The following ADAMTSL3 variants were observed in gnomAD, a reference collection of about 807,000 sequenced individuals.
The protein encoded by ADAMTSL3 is ADAMTS like 3.
Under a neutral mutation model 201.7 loss-of-function variants are expected in ADAMTSL3, and 128 were observed. The ratio of observed to expected loss-of-function variants is 0.63; its 90% confidence interval spans 0.55 to 0.73. The LOEUF is 0.73. ADAMTSL3 is among the 30% of genes least tolerant of loss of function. The probability of loss-of-function intolerance (pLI) is 0.00; values close to 1 mark genes in which losing one functional copy is unlikely to be tolerated. For missense variants in ADAMTSL3, 1,990 were observed against 2,119.6 expected (o/e 0.94, Z 1.20); for synonymous variants, 738 against 748.4 (o/e 0.99, Z 0.23).
intron 4 of ADAMTSL3, among the ~76,000 whole-genome samples, chr15:83,785,085 G>A (rs1312978876): frequency 6.6e-6 from 1 of 152,166 alleles, no homozygotes; most frequent in Non-Finnish European, 1.5e-5. Context: ...TTTGTTGGCA[G>A]AGATACATTT....
chr15:83,788,084 C>T (rs2063292509), intron 4 of ADAMTSL3, among the ~76,000 whole-genome samples: 1 of 151,894 alleles, frequency 6.6e-6, no homozygotes, highest in Non-Finnish European at 1.5e-5. Context: ...AGTTTTTTTT[C>T]CACTAGAGTC....
At chr15:83,862,035 G>C (rs1279921157) in intron 8 of ADAMTSL3, 1 of 152,130 alleles carries the variant, frequency 6.6e-6, no homozygotes, top group Non-Finnish European at 1.5e-5. Context: ...AAGATCAAAT[G>C]AATGAAATGA....
intron 22 of ADAMTSL3, among the ~76,000 whole-genome samples, chr15:83,990,234 C>T (rs930284803): frequency 6.6e-6 from 1 of 152,122 alleles, no homozygotes; most frequent in East Asian, 1.9e-4. Flanking sequence ...CAACAAGAAT[C>T]GTGGCCTCCT....
At chr15:83,782,121 A>G (rs749277364) in intron 4 of ADAMTSL3, among the ~76,000 whole-genome samples, 24 of 152,168 alleles carry the variant, frequency 1.6e-4, no homozygotes, top group Non-Finnish European at 3.4e-4. Flanking sequence ...ACTTGCATGT[A>G]TGTGTTCACT....
intron 23 of ADAMTSL3, among the ~76,000 whole-genome samples, chr15:84,000,769 T>C (rs1389539778): frequency 6.6e-6 from 1 of 152,140 alleles, no homozygotes; most frequent in Non-Finnish European, 1.5e-5. Context: ...GCAGCATATA[T>C]GCAAAAGCAC....
chr15:83,851,151 AGC>A lies in ADAMTSL3; in HGVS notation c.728-7613_728-7612del, dbSNP rs538227219. Among the ~76,000 whole-genome samples, 464 of 152,328 alleles carry A rather than the reference AGC, an allele frequency of 3.0e-3. 3 individuals carry two copies. Among genetic ancestry groups the A allele is most frequent in the Non-Finnish European group, 2.5e-3 (169 of 68,030 alleles). On this transcript the variant is annotated intron_variant, in intron 7 of 29. Coordinates refer to ENST00000286744, the MANE Select transcript of ADAMTSL3 (RefSeq NM_207517.3). ...AATGTTTGGGAAGTACTGCCTTATC[AGC>A]GTATCACAGAGACTTCTACAAATGT...
rs189507527 is a variant in ADAMTSL3 at position 83,786,690 on chromosome 15, C to T, written c.317+13040C>T. ...GTTGTTTTAACCACCTGCGTCTTATCCTGTATTTTTTTGTCTATTTTTAGT... is the reference window on the plus strand; with the variant it reads ...GTTGTTTTAACCACCTGCGTCTTATTCTGTATTTTTTTGTCTATTTTTAGT... On this transcript the variant is annotated intron_variant, in intron 4 of 29. Coordinates refer to ENST00000286744, the MANE Select transcript of ADAMTSL3 (RefSeq NM_207517.3). 4.3e-3 allele frequency among the ~76,000 whole-genome samples: 654 copies of T among 152,136 alleles called. 3 individuals are homozygous for T. The highest frequency in any genetic ancestry group is 0.015 in the African/African-American group (621 of 41,512).
intron 9 of ADAMTSL3, among the ~76,000 whole-genome samples, chr15:83,882,417 C>T (rs181757712): frequency 6.6e-6 from 1 of 152,278 alleles, no homozygotes; most frequent in East Asian, 1.9e-4. Flanking sequence ...CACATAAAAC[C>T]ACTATTTTAA....
At chr15:83,768,196 C>G (rs540632207) in intron 3 of ADAMTSL3, among the ~76,000 whole-genome samples, 2 of 152,344 alleles carry the variant, frequency 1.3e-5, no homozygotes, top group East Asian at 3.9e-4. Flanking sequence ...TACTCACCAA[C>G]TGCATGCGTG....
At chr15:83,765,507 C>T (rs1312107367) in intron 3 of ADAMTSL3, among the ~76,000 whole-genome samples, 1 of 152,074 alleles carries the variant, frequency 6.6e-6, no homozygotes, top group Non-Finnish European at 1.5e-5. Flanking sequence ...TTTAGCAAGA[C>T]TAGTAGAACT....
intron 2 of ADAMTSL3, among the ~76,000 whole-genome samples, chr15:83,666,281 A>T (rs1053038279): frequency 6.6e-5 from 10 of 152,188 alleles, no homozygotes; most frequent in Non-Finnish European, 1.2e-4. Context: ...TTATTGACCA[A>T]TTCTTCACTA....
chr15:83,982,124 T>G, intron 20 of ADAMTSL3, 149 bp from the exon 21 acceptor site: 1 of 663,436 alleles, frequency 1.5e-6, no homozygotes, highest in Non-Finnish European at 2.5e-6. Context: ...TGTATAATGT[T>G]ATTCATGGTT....
At chr15:83,741,235 A>T (rs1216524196) in intron 3 of ADAMTSL3, among the ~76,000 whole-genome samples, 1 of 150,830 alleles carries the variant, frequency 6.6e-6, no homozygotes, top group East Asian at 1.9e-4. Flanking sequence ...ACTAAATATT[A>T]TATTAATAAA....
At chr15:83,811,481 G>T (rs1256227374) in intron 5 of ADAMTSL3, among the ~76,000 whole-genome samples, 2 of 152,198 alleles carry the variant, frequency 1.3e-5, no homozygotes, top group African/African-American at 4.8e-5. Flanking sequence ...CAACACAAGT[G>T]TTAGAGTATT....
chr15:83,678,450 C>T (rs1044942052), intron 2 of ADAMTSL3, among the ~76,000 whole-genome samples: 8 of 151,518 alleles, frequency 5.3e-5, no homozygotes, highest in Non-Finnish European at 8.8e-5. Flanking sequence ...ACTTGAAACA[C>T]GTTGTGCTAC....
intron 19 of ADAMTSL3, among the ~76,000 whole-genome samples, chr15:83,952,532 T>G (rs2066776646): frequency 6.6e-6 from 1 of 152,180 alleles, no homozygotes; most frequent in Non-Finnish European, 1.5e-5. Flanking sequence ...GTGTTTAAAG[T>G]GGGATGTTGA....
At chr15:83,841,250 C>G (rs1430324984) in intron 7 of ADAMTSL3, among the ~76,000 whole-genome samples, 1 of 152,206 alleles carries the variant, frequency 6.6e-6, no homozygotes, top group African/African-American at 2.4e-5. Flanking sequence ...AGCATTCTTA[C>G]ATTATAATTT....
chr15:83,814,080 G>A (rs543472913), intron 5 of ADAMTSL3, among the ~76,000 whole-genome samples: 97 of 152,208 alleles, frequency 6.4e-4, no homozygotes, highest in African/African-American at 2.2e-3. Flanking sequence ...ACTTGCAGAC[G>A]GGGCTCCCAG....
chr15:83,746,064 C>G (rs904046964), intron 3 of ADAMTSL3, among the ~76,000 whole-genome samples: 2 of 152,140 alleles, frequency 1.3e-5, no homozygotes, highest in Non-Finnish European at 2.9e-5. Flanking sequence ...AGGCTCCTTT[C>G]CCTCTGTTCT....
Sources: allele counts gnomAD v4.1 joint callset (sites outside exome capture counted in the v4.1 genomes callset), GRCh38; gene constraint gnomAD v4.1.1; transcripts MANE v1.5; gene names NCBI Gene and HGNC (gene_info 2026-07-23, HGNC 2026-07-21).